The following MYOF variants were observed in gnomAD, a reference collection of about 807,000 sequenced individuals.
MYOF encodes myoferlin.
MYOF carries 244 observed loss-of-function variants against 284.2 expected under a neutral mutation model. The ratio of observed to expected loss-of-function variants is 0.86; its 90% CI spans 0.77 to 0.95. The LOEUF (loss-of-function observed/expected upper bound fraction) is 0.95. Ranked by LOEUF, MYOF falls within the 40% of genes least tolerant of loss-of-function variation. MYOF has a pLI of 0.00. For missense variants in MYOF, 2,496 were observed against 2,560.6 expected (o/e 0.97, Z 0.54); for synonymous variants, 904 against 919.7 (o/e 0.98, Z 0.31).
chr10:93,440,477 C>T (rs2056215446), intron 3 of MYOF, among the ~76,000 whole-genome samples: 1 of 152,104 alleles, frequency 6.6e-6, no homozygotes, highest in African/African-American at 2.4e-5. Context: ...CCACTCAGAC[C>T]TCACCCTGCT....
At chr10:93,388,031 G>A (rs530638393) in intron 18 of MYOF, 118 bp from the exon 19 acceptor site, 74 of 753,548 alleles carry the variant, frequency 9.8e-5, no homozygotes, top group Admixed American at 1.8e-4. Flanking sequence ...CCTAACCTTC[G>A]AAATGAATCA....
chr10:93,409,461 A>G (rs1847791595), intron 6 of MYOF, 112 bp downstream of exon 6: 3 of 1,266,030 alleles, frequency 2.4e-6, no homozygotes, highest in Middle Eastern at 2.5e-4. Flanking sequence ...ATCTCTCTTT[A>G]CCGGTTGAGC....
intron 3 of MYOF, among the ~76,000 whole-genome samples, chr10:93,448,503 G>A (rs1019030774): frequency 2.6e-5 from 4 of 151,950 alleles, no homozygotes; most frequent in African/African-American, 7.3e-5. Context: ...CTTAAGTATC[G>A]TAACCTTCAG....
intron 51 of MYOF, among the ~76,000 whole-genome samples, chr10:93,311,011 TTGTAG>T (rs746013462): frequency 1.2e-3 from 177 of 152,302 alleles, no homozygotes; most frequent in East Asian, 4.4e-3. Context: ...TTGAGCATTA[TTGTAG>T]GCTCCCAGTA....
intron 12 of MYOF, among the ~76,000 whole-genome samples, chr10:93,399,763 TCGGGAGGCTGAGG>T (rs1847187201): frequency 6.6e-6 from 1 of 152,128 alleles, no homozygotes; most frequent in South Asian, 2.1e-4. Flanking sequence ...TCCCAGCTAC[TCGGGAGGCTGAGG>T]CAGGAGAACT....
intron 49 of MYOF, among the ~76,000 whole-genome samples, chr10:93,318,033 G>A (rs994217345): frequency 6.6e-6 from 1 of 152,114 alleles, no homozygotes; most frequent in Non-Finnish European, 1.5e-5. Context: ...GGGGAGGTCT[G>A]GCCCTAGATG....
chr10:93,476,566 A>T (rs2057269243), intron 1 of MYOF, among the ~76,000 whole-genome samples: 1 of 152,178 alleles, frequency 6.6e-6, no homozygotes, highest in African/African-American at 2.4e-5. Flanking sequence ...CACTGAAAAA[A>T]AAAATCAACT....
chr10:93,356,561 C>T lies in MYOF; in HGVS notation c.3294+114G>A, dbSNP rs1844813393. On this transcript the variant is annotated intron_variant, in intron 30 of 53. Transcript: ENST00000359263. ...TTTCCCTCAACCTGTTAATATTTGC[C>T]ATCTTATAGTACCAGGGTTACAGGG... 4.3e-6 allele frequency: 5 copies of T among 1,156,280 alleles called. 1 individual carries two copies. In the Middle Eastern group the frequency reaches 8.3e-4, roughly 192 times the overall value. 71.6% of individuals were successfully genotyped at this position (1,156,280 alleles called of 1,614,324 possible).
rs749083370 is a variant in MYOF at position 93,329,849 on chromosome 10, G to T, written c.4812-15C>A. On this transcript the variant is annotated splice_polypyrimidine_tract_variant and intron_variant, in intron 43 of 53. Transcript: ENST00000359263. ...GTTCGTACATCCTAAATAAACAAAT[G>T]CAAGGTCAGAATCTTCATGATCCAT... 6.2e-7 allele frequency: 1 copy of T among 1,613,548 alleles called. No individual in the cohort carries two copies. The highest frequency in any genetic ancestry group is 8.5e-7 in the Non-Finnish European group (1 of 1,179,630).
chr10:93,379,165 C>T (rs1175939015), intron 21 of MYOF, among the ~76,000 whole-genome samples: 1 of 152,106 alleles, frequency 6.6e-6, no homozygotes, highest in African/African-American at 2.4e-5. Flanking sequence ...AACCTCCAAA[C>T]AAAAGAAGTT....
intron 45 of MYOF, 116 bp downstream of exon 45, chr10:93,328,647 C>T: frequency 2.8e-6 from 3 of 1,060,430 alleles, no homozygotes; most frequent in Non-Finnish European, 2.7e-6. Context: ...GTCACGTGCA[C>T]AGTCTCATGT....
Position 93,351,668 on chromosome 10 carries a change from T to C in MYOF, c.3660A>G (p.Gln1220=). 1 of 1,587,124 alleles carries C rather than the reference T, an allele frequency of 6.3e-7. No homozygotes were observed. Among genetic ancestry groups the C allele is most frequent in the Non-Finnish European group, 8.6e-7 (1 of 1,168,028 alleles). ...KVIMELFDND[Q]VGKDEFLGRS... ...TTAGAAATTCTAAACGACCTACCAC[T>C]TGGTCATTGTCAAAAAGTTCCATGA... Residue 1220 remains glutamine (Q), a synonymous_variant, in exon 33 of 54, where the codon CAA becomes CAG. Transcript: ENST00000359263.
intron 1 of MYOF, among the ~76,000 whole-genome samples, chr10:93,467,018 G>A (rs1448531306): frequency 6.6e-6 from 1 of 151,422 alleles, no homozygotes; most frequent in East Asian, 1.9e-4. Context: ...AACAAAAATA[G>A]GAGATATGAG....
chr10:93,408,848 T>C lies in MYOF; in HGVS notation c.668A>G (p.His223Arg). ...GNNIRPVVKV[H>R]VCGQTHRTRI... is the part of the protein sequence containing the mutation. ...TGTTCGGTGTGTCTGGCCACAGACG[T>C]GAACTTTGACCACAGGCCTTATGTT... The change falls in exon 7 of 54, where the codon CAC becomes CGC. Residue 223 changes from histidine to arginine, a missense_variant. By Grantham distance (29) the His-to-Arg change is conservative. Transcript: ENST00000359263. 6.2e-7 allele frequency: 1 copy of C among 1,614,220 alleles called. No homozygotes were observed. Among genetic ancestry groups the C allele is most frequent in the Middle Eastern group, 1.6e-4 (1 of 6,062 alleles).
rs771594194 is a variant in MYOF at position 93,372,983 on chromosome 10, C to T, written c.2404G>A (p.Gly802Ser). Residue 802 changes from glycine (G) to serine (S), a missense_variant, in exon 24 of 54, where the codon GGT (glycine) becomes AGT (serine). Coordinates refer to ENST00000359263, the MANE Select transcript of MYOF (RefSeq NM_013451.4). ...CAGTATTTTCCAGATGCATTCTCAC[C>T]ACTGGTGGAGTACAAGACCTGATGT... ...PAHQVLYSTS[G>S]ENASGKYCGK... is the part of the protein sequence containing the mutation. 2 of 1,614,190 alleles carry T rather than the reference C, an allele frequency of 1.2e-6. No homozygotes were observed. Among genetic ancestry groups the T allele is most frequent in the Non-Finnish European group, 1.7e-6 (2 of 1,180,032 alleles).
Position 93,351,550 on chromosome 10 carries a change from G to A in MYOF, c.3685C>T (p.Arg1229Ter), listed in dbSNP as rs751178586. The A allele has an allele frequency of 1.8e-5, 29 of 1,613,942 alleles. No individual in the cohort carries two copies. The highest frequency in any genetic ancestry group is 1.6e-4 in the Middle Eastern group (1 of 6,084). The change falls in exon 34 of 54, where the codon CGA becomes TGA. Residue 1229 changes from arginine to a stop codon, truncating the protein, a stop_gained. Transcript: ENST00000359263. LOFTEE classifies it high-confidence loss of function. Reference protein sequence around the residue: ...DQVGKDEFLGRSIFSPVVKLN... With the variant: ...DQVGKDEFLG The stretch of plus-strand genomic sequence containing the variant: ...TTCACCACAGGAGAGAAAATGCTTC[G>A]TCCTAAAAATTCATCTTTGCCCTAG...
chr10:93,409,607 C>T lies in MYOF; in HGVS notation c.566G>A (p.Arg189Gln), dbSNP rs200722080. 4.7e-4 allele frequency: 760 copies of T among 1,614,024 alleles called. No homozygotes were observed. The highest frequency in any genetic ancestry group is 5.7e-4 in the Non-Finnish European group (673 of 1,180,046). The change falls in exon 6 of 54, where the codon CGG becomes CAG. Residue 189 changes from arginine (R) to glutamine (Q), a missense_variant. Physicochemically the swap from Arg to Gln is conservative, Grantham distance 43. Transcript: ENST00000359263. ...CTGTGGCTTATTTGACAGCATCCGCCGGCTGTTCTTTACTTTGGTGAGCCT... is the reference window on the plus strand; with the variant it reads ...CTGTGGCTTATTTGACAGCATCCGCTGGCTGTTCTTTACTTTGGTGAGCCT... ...ARRLTKVKNS[R>Q]RMLSNKPQDF...
At chr10:93,315,352 C>G (rs560699679) in intron 50 of MYOF, among the ~76,000 whole-genome samples, 8 of 152,138 alleles carry the variant, frequency 5.3e-5, no homozygotes, top group Admixed American at 5.2e-4. Context: ...GATCACAGGA[C>G]TAAGAAAATA....
intron 41 of MYOF, 138 bp from the exon 42 acceptor site, chr10:93,334,051 C>T (rs893620662): frequency 5.2e-6 from 4 of 766,156 alleles, no homozygotes; most frequent in South Asian, 2.0e-5. Context: ...ATGTATATTG[C>T]ACTTTGCATA....
Sources: gnomAD v4.1 joint callset for allele counts (sites outside exome capture counted in the v4.1 genomes callset) on GRCh38, gnomAD v4.1.1 for gene constraint, MANE v1.5 for transcripts, NCBI Gene and HGNC (gene_info 2026-07-23, HGNC 2026-07-21) for gene names.